ST6GAL2: variants seen among roughly 807,000 people sequenced by gnomAD.
ST6GAL2 encodes the protein beta-galactoside alpha-2,6-sialyltransferase 2.
A neutral mutation model predicts 37.5 loss-of-function variants in ST6GAL2; 24 were observed. The observed-to-expected ratio is 0.64, with a 90% CI of 0.46 to 0.90. The LOEUF (loss-of-function observed/expected upper bound fraction) is 0.90, where lower values mean the gene tolerates loss of function less well. Among genes scored for constraint, ST6GAL2 ranks in the 40% least tolerant of loss-of-function variants. The probability of loss-of-function intolerance (pLI) is 0.00; values close to 1 mark genes in which losing one functional copy is unlikely to be tolerated. For synonymous variants in ST6GAL2, 306 were observed against 295.1 expected (o/e 1.04, Z -0.38); for missense variants, 715 against 712.7 (o/e 1.00, Z -0.04).
intron 5 of ST6GAL2, 104 bp downstream of exon 5, chr2:106,829,961 CA>C: frequency 9.4e-7 from 1 of 1,060,614 alleles, no homozygotes; most frequent in South Asian, 1.5e-5. Context: ...CCAGGCATTT[CA>C]GATAAGGTAT....
chr2:106,829,152 G>A (rs1558687344), intron 5 of ST6GAL2, among the ~76,000 whole-genome samples: 1 of 152,168 alleles, frequency 6.6e-6, no homozygotes, highest in Non-Finnish European at 1.5e-5. Context: ...CATGGGTGGT[G>A]GATTCACGAT....
chr2:106,844,014 C>T lies in ST6GAL2; in HGVS notation c.-37G>A. ...GCGGTCAGCACCTTGTGTCTTAATG[C>T]AGATGGGTGGCAGAATGAACCTGAA... On this transcript the variant is annotated 5_prime_UTR_variant, in exon 2 of 6. Coordinates refer to ENST00000409382, the MANE Select transcript of ST6GAL2 (RefSeq NM_001142351.2). The T allele has an allele frequency of 6.6e-7, 1 of 1,509,394 alleles. No homozygotes were observed. The highest frequency in any genetic ancestry group is 8.9e-7 in the Non-Finnish European group (1 of 1,128,814). The allele number at this position is 1,509,394 out of a possible 1,614,324, so 93.5% of individuals were successfully genotyped here.
intron 1 of ST6GAL2, among the ~76,000 whole-genome samples, chr2:106,881,507 T>G (rs1182094249): frequency 6.6e-6 from 1 of 152,188 alleles, no homozygotes; most frequent in Non-Finnish European, 1.5e-5. Context: ...TTTTGGCACA[T>G]AGCAATATAC....
intron 1 of ST6GAL2, among the ~76,000 whole-genome samples, chr2:106,884,689 T>C (rs181299629): frequency 6.6e-6 from 1 of 152,168 alleles, no homozygotes; most frequent in Non-Finnish European, 1.5e-5. Flanking sequence ...GCACTTCACC[T>C]ATTATTTTAG....
At chr2:106,813,268 C>A in intron 5 of ST6GAL2, 1 of 1,278,048 alleles carries the variant, frequency 7.8e-7, no homozygotes, top group Non-Finnish European at 1.0e-6. Context: ...TTAGTATTTT[C>A]TAGGCAATTG....
intron 5 of ST6GAL2, chr2:106,813,342 T>A: frequency 1.6e-6 from 1 of 640,086 alleles, no homozygotes; most frequent in Non-Finnish European, 2.2e-6. Context: ...GCAAGATAAT[T>A]ATCAAACCAT....
chr2:106,879,710 C>G (rs1678662546), intron 1 of ST6GAL2, among the ~76,000 whole-genome samples: 1 of 146,118 alleles, frequency 6.8e-6, no homozygotes, highest in Non-Finnish European at 1.5e-5. Context: ...TTATATAGAC[C>G]AATTATATAT....
chr2:106,870,627 A>G (rs925934959), intron 1 of ST6GAL2, among the ~76,000 whole-genome samples: 2 of 152,176 alleles, frequency 1.3e-5, no homozygotes, highest in East Asian at 3.9e-4. Flanking sequence ...TCCAGTGCCA[A>G]TATCCAATGA....
chr2:106,880,494 A>G (rs1053061454), intron 1 of ST6GAL2, among the ~76,000 whole-genome samples: 3 of 152,256 alleles, frequency 2.0e-5, no homozygotes, highest in Non-Finnish European at 4.4e-5. Context: ...ATTTCACCAA[A>G]GGGACCAAGG....
intron 1 of ST6GAL2, among the ~76,000 whole-genome samples, chr2:106,872,631 T>TG (rs1289363945): frequency 2.0e-5 from 3 of 152,014 alleles, no homozygotes; most frequent in Admixed American, 6.6e-5. Context: ...TATTTTGAGA[T>TG]GGAGTTTCGC....
At chr2:106,881,555 A>C (rs1257061437) in intron 1 of ST6GAL2, among the ~76,000 whole-genome samples, 1 of 152,202 alleles carries the variant, frequency 6.6e-6, no homozygotes, top group African/African-American at 2.4e-5. Flanking sequence ...CTTTCAAAGA[A>C]GCTACTTTTA....
chr2:106,840,942 A>C (rs1017526962), intron 2 of ST6GAL2, among the ~76,000 whole-genome samples: 1 of 152,192 alleles, frequency 6.6e-6, no homozygotes, highest in African/African-American at 2.4e-5. Flanking sequence ...GGCTCTCAGA[A>C]ATGAGAAAGA....
chr2:106,833,909 G>T, intron 3 of ST6GAL2, 140 bp downstream of exon 3: 3 of 520,544 alleles, frequency 5.8e-6, no homozygotes, highest in South Asian at 3.5e-5. Flanking sequence ...TTAATTATAA[G>T]ATTGATAGAA....
Position 106,843,873 on chromosome 2 carries a change from G to T in ST6GAL2, c.105C>A (p.Pro35=), listed in dbSNP as rs768643816. 3.7e-6 allele frequency: 6 copies of T among 1,609,970 alleles called. No individual in the cohort carries two copies. The highest frequency in any genetic ancestry group is 2.2e-5 in the East Asian group (1 of 44,844). ...AGAGGGAGCTGGGTACAGGCTCAGC[G>T]GGGTTGCTGTCGGTGAAGTAGATGA... The part of the protein sequence containing the change: ...LIFIYFTDSN[P]AEPVPSSLSF... The change falls in exon 2 of 6, where the codon CCC becomes CCA. Residue 35 remains proline (P), a synonymous_variant. Transcript: ENST00000409382.
intron 5 of ST6GAL2, among the ~76,000 whole-genome samples, chr2:106,822,624 T>G (rs1481800593): frequency 6.6e-6 from 1 of 152,112 alleles, no homozygotes; most frequent in Admixed American, 6.5e-5. Context: ...AATGACATTC[T>G]TCACAGAAAC....
In ST6GAL2 at chr2:106,803,398, A is replaced by G. The variant is rs557900343; in HGVS notation, c.*3280T>C. 6.6e-6 allele frequency: 1 copy of G among 152,274 alleles called. No individual in the cohort carries two copies. Among genetic ancestry groups the G allele is most frequent in the South Asian group, 2.1e-4 (1 of 4,800 alleles). The allele number at this position is 152,274 out of a possible 1,614,324, so 9.4% of individuals were successfully genotyped here. A position where few individuals can be genotyped will look rare whatever the true frequency, so the allele number is the denominator to read the frequency against. On this transcript the variant is annotated 3_prime_UTR_variant, in exon 6 of 6. Coordinates refer to ENST00000409382, the MANE Select transcript of ST6GAL2 (RefSeq NM_001142351.2). ...GCTTACATGCAACTTTTAATTGACC[A>G]TCCCTTGGTCCTGAGCACAAAGTTC...
Position 106,843,461 on chromosome 2 carries a change from C to T in ST6GAL2, c.517G>A (p.Val173Met), listed in dbSNP as rs1333135819. Reference protein sequence around the residue: ...FPAAQVQRRRVKKRHRRQRRS... With the variant: ...FPAAQVQRRRMKKRHRRQRRS... Reference sequence around the variant, plus strand: ...CTCTGCCTCCGGTGCCTCTTCTTCACCCGCCTCCTCTGGACCTGTGCAGCC... The same window carrying T: ...CTCTGCCTCCGGTGCCTCTTCTTCATCCGCCTCCTCTGGACCTGTGCAGCC... Residue 173 changes from valine (V) to methionine (M), a missense_variant, in exon 2 of 6, where the codon GTG becomes ATG. This residue lies in a region of ST6GAL2 where 512 missense variants were observed against 488.8 expected (regional missense o/e 1.05). Coordinates refer to ENST00000409382, the MANE Select transcript of ST6GAL2 (RefSeq NM_001142351.2). The T allele has an allele frequency of 6.2e-7, 1 of 1,614,102 alleles. No homozygotes were observed. The highest frequency in any genetic ancestry group is 1.3e-5 in the African/African-American group (1 of 75,050).
chr2:106,810,246 T>A (rs1257650170), intron 5 of ST6GAL2, among the ~76,000 whole-genome samples: 10 of 152,238 alleles, frequency 6.6e-5, no homozygotes. Flanking sequence ...CAAATAGTTA[T>A]GCTTTCAATA....
At chr2:106,834,232 A>G (rs1442552642) in intron 2 of ST6GAL2, 86 bp from the exon 3 acceptor site, 3 of 878,306 alleles carry the variant, frequency 3.4e-6, no homozygotes, top group African/African-American at 3.3e-5. Context: ...ATCTTTCAAT[A>G]CCTGAAGCTA....
Sources: allele counts gnomAD v4.1 joint callset (sites outside exome capture counted in the v4.1 genomes callset), GRCh38; gene constraint gnomAD v4.1.1; regional missense constraint gnomAD v4.1.1; transcripts MANE v1.5; gene names NCBI Gene and HGNC (gene_info 2026-07-23, HGNC 2026-07-21).